PIK3R5: variants seen among roughly 807,000 people sequenced by gnomAD.
PIK3R5 encodes phosphoinositide 3-kinase regulatory subunit 5.
PIK3R5 carries 32 observed loss-of-function variants against 94.9 expected under a neutral mutation model. The observed-to-expected ratio is 0.34, with a 90% CI of 0.25 to 0.45. The LOEUF (loss-of-function observed/expected upper bound fraction) is 0.45, where lower values mean the gene tolerates loss of function less well. PIK3R5 is among the 20% of genes least tolerant of loss of function. The pLI is 1.00. For synonymous variants in PIK3R5, 443 were observed against 479.4 expected (o/e 0.92, Z 0.99); for missense variants, 853 against 1,144.6 (o/e 0.75, Z 3.68).
chr17:8,932,774 T>C (rs976511830), intron 1 of PIK3R5, among the ~76,000 whole-genome samples: 1 of 152,088 alleles, frequency 6.6e-6, no homozygotes, highest in South Asian at 2.1e-4. Flanking sequence ...AGATATGTAA[T>C]TGATGTCTCA....
intron 1 of PIK3R5, among the ~76,000 whole-genome samples, chr17:8,915,009 G>A (rs2090602321): frequency 6.6e-6 from 1 of 152,242 alleles, no homozygotes; most frequent in South Asian, 2.1e-4. Flanking sequence ...CAAAGCCAGG[G>A]TATAAACCCA....
At chr17:8,886,860 G>A (rs61761073) in intron 12 of PIK3R5, among the ~76,000 whole-genome samples, 4,306 of 152,166 alleles carry the variant, frequency 0.028, 215 homozygotes, top group African/African-American at 0.098. Flanking sequence ...GAAATCTGAG[G>A]TCCCCCGGAC....
intron 1 of PIK3R5, among the ~76,000 whole-genome samples, chr17:8,942,384 C>A (rs908775583): frequency 3.1e-4 from 47 of 152,116 alleles, no homozygotes; most frequent in African/African-American, 1.1e-3. Context: ...ATAGTCGGAG[C>A]CTCCTTGCAG....
intron 1 of PIK3R5, among the ~76,000 whole-genome samples, chr17:8,926,543 G>A (rs535328528): frequency 1.2e-4 from 19 of 152,184 alleles, no homozygotes; most frequent in African/African-American, 3.1e-4. Context: ...CAAAAGGCAC[G>A]TCTTACATGG....
chr17:8,893,732 G>A lies in PIK3R5; in HGVS notation c.413-77C>T. 5 of 1,108,526 alleles carry A rather than the reference G, an allele frequency of 4.5e-6. No homozygotes were observed. The highest frequency in any genetic ancestry group is 2.0e-4 in the Middle Eastern group (1 of 5,022). The allele number at this position is 1,108,526 out of a possible 1,614,324, so 68.7% of individuals were successfully genotyped here. ...GTCCGTGTGCCTCGTGGGGAGCCAA[G>A]CACTGGACAATCAGGTTGGAAATTC... On this transcript the variant is annotated intron_variant, in intron 5 of 18. Coordinates refer to ENST00000447110, the MANE Select transcript of PIK3R5 (RefSeq NM_001142633.3). This position sits in a 1 kb window ranked among gnomAD's most constrained non-coding sequence, Gnocchi z 5.1.
intron 1 of PIK3R5, among the ~76,000 whole-genome samples, chr17:8,960,695 C>T (rs898862460): frequency 6.6e-6 from 1 of 152,226 alleles, no homozygotes; most frequent in African/African-American, 2.4e-5. Context: ...CTGGCAGGAA[C>T]TGGGCTCCAT....
chr17:8,948,042 T>TAAAAAAAAAAAAAAAAAAAA (rs71135932), intron 1 of PIK3R5, among the ~76,000 whole-genome samples: 15 of 62,740 alleles, frequency 2.4e-4, no homozygotes, highest in Middle Eastern at 0.01. Context: ...GACTCCGTCT[T>TAAAAAAAAAAAAAAAAAAAA]AAAAAAAAAA....
chr17:8,965,327 C>T lies in PIK3R5; in HGVS notation c.-14+269G>A, dbSNP rs1420835739. On this transcript the variant is annotated intron_variant, in intron 1 of 18. Coordinates refer to ENST00000447110, the MANE Select transcript of PIK3R5 (RefSeq NM_001142633.3). ...GGCTGAGGACACAGCTGCGCAGAGC[C>T]GCCCAGCAGAGGTTACCCGGATAAC... Among the ~76,000 whole-genome samples, 5 of 152,296 alleles carry T rather than the reference C, an allele frequency of 3.3e-5. No individual in the cohort carries two copies. The East Asian group carries it at 7.7e-4, about 24-fold the overall frequency.
At chr17:8,932,486 C>T (rs897926222) in intron 1 of PIK3R5, among the ~76,000 whole-genome samples, 2 of 152,116 alleles carry the variant, frequency 1.3e-5, no homozygotes, top group South Asian at 2.1e-4. Flanking sequence ...CTGCCCACCT[C>T]GGCCTCCCAA....
chr17:8,951,952 A>C (rs966551898), intron 1 of PIK3R5, among the ~76,000 whole-genome samples: 1 of 152,238 alleles, frequency 6.6e-6, no homozygotes, highest in African/African-American at 2.4e-5. Context: ...GACATTGATA[A>C]GTGCAATTTC....
At chr17:8,906,437 T>A (rs999587457) in intron 3 of PIK3R5, among the ~76,000 whole-genome samples, 1 of 152,240 alleles carries the variant, frequency 6.6e-6, no homozygotes. Context: ...TTTTTCCAGT[T>A]GGTTGTTTGC....
At position 8,940,170 on chromosome 17, in the gene PIK3R5, C is replaced by T. The variant is rs113164700; in HGVS notation, c.-14+25426G>A. ...TCAGAGCCTCCTGCATTGATGAAAA[C>T]CCAGGAGCAGAGCCCAGCAGGGAAG... On this transcript the variant is annotated intron_variant, in intron 1 of 18. Coordinates refer to ENST00000447110, the MANE Select transcript of PIK3R5 (RefSeq NM_001142633.3). Among the ~76,000 whole-genome samples, 696 of 152,282 alleles carry T rather than the reference C, an allele frequency of 4.6e-3. 8 individuals are homozygous for T. Among genetic ancestry groups the T allele is most frequent in the African/African-American group, 0.016 (660 of 41,556 alleles).
At chr17:8,894,679 C>T (rs1318191413) in intron 5 of PIK3R5, among the ~76,000 whole-genome samples, 6 of 152,170 alleles carry the variant, frequency 3.9e-5, no homozygotes, top group Admixed American at 2.0e-4. Flanking sequence ...CTGTTTCCAC[C>T]ATGACAAGGA....
At chr17:8,934,376 C>T (rs1297284080) in intron 1 of PIK3R5, among the ~76,000 whole-genome samples, 1 of 152,036 alleles carries the variant, frequency 6.6e-6, no homozygotes, top group African/African-American at 2.4e-5. Context: ...ATGTGGAAAA[C>T]CCCCACCATT....
At position 8,888,168 on chromosome 17, in the gene PIK3R5, T is replaced by C; in HGVS notation, c.1616+3A>G. 1.2e-6 allele frequency: 2 copies of C among 1,613,186 alleles called. No homozygotes were observed. The highest frequency in any genetic ancestry group is 1.7e-6 in the Non-Finnish European group (2 of 1,179,840). The stretch of plus-strand genomic sequence containing the variant: ...GAGGGATGCTCCGCATTACGGCTCT[T>C]ACCGAAGGTTGCTGTACGCCCGAGC... On this transcript the variant is annotated splice_donor_region_variant and intron_variant, in intron 10 of 18. Transcript: ENST00000447110. The surrounding 1 kb of genome is among the most constrained non-coding windows in gnomAD (Gnocchi z 7.8).
At chr17:8,887,306 C>T in intron 11 of PIK3R5, 85 bp from the exon 12 acceptor site, 1 of 1,544,862 alleles carries the variant, frequency 6.5e-7, no homozygotes, top group Non-Finnish European at 8.8e-7. Flanking sequence ...GCACCTGCAG[C>T]CCCATGCTGA....
intron 1 of PIK3R5, among the ~76,000 whole-genome samples, chr17:8,956,233 G>A (rs1044689144): frequency 2.0e-5 from 3 of 152,098 alleles, no homozygotes; most frequent in Admixed American, 6.5e-5. Flanking sequence ...AAAAGATGCA[G>A]GTTGGGAAGA....
intron 14 of PIK3R5, 49 bp downstream of exon 14, chr17:8,886,180 G>A (rs761029320): frequency 9.1e-6 from 13 of 1,426,166 alleles, no homozygotes; most frequent in Non-Finnish European, 1.2e-5. Flanking sequence ...TCCACGTTTC[G>A]CGTCCCAGGC....
At position 8,889,104 on chromosome 17, in the gene PIK3R5, GGGGCAT is replaced by G; in HGVS notation, c.895+29_895+34del. The G allele has an allele frequency of 6.3e-7, 1 of 1,593,066 alleles. No homozygotes were observed. The highest frequency in any genetic ancestry group is 8.6e-7 in the Non-Finnish European group (1 of 1,165,752). ...ACCAGAAACACAGCTCAGGCAGTGT[GGGGCAT>G]GGGTGTCACCAGGGCCCCGGCTCCT... On this transcript the variant is annotated intron_variant, in intron 9 of 18. Transcript: ENST00000447110. This position sits in a 1 kb window ranked among gnomAD's most constrained non-coding sequence, Gnocchi z 4.1.
Sources: gnomAD v4.1 joint callset for allele counts (sites outside exome capture counted in the v4.1 genomes callset) on GRCh38, gnomAD v4.1.1 for gene constraint, Gnocchi (gnomAD v3.1) non-coding constraint, MANE v1.5 for transcripts, NCBI Gene and HGNC (gene_info 2026-07-23, HGNC 2026-07-21) for gene names.